The following ADAMTS3 variants were observed in gnomAD, a reference collection of about 807,000 sequenced individuals.
The protein encoded by ADAMTS3 is A disintegrin and metalloproteinase with thrombospondin motifs 3.
In ADAMTS3, 73 loss-of-function variants were observed where a neutral mutation model predicts 129.0. That is an observed-to-expected ratio of 0.57 (90% CI 0.47 to 0.69). The LOEUF is 0.69. Among genes scored for constraint, ADAMTS3 ranks in the 30% least tolerant of loss-of-function variants. The pLI, the probability that ADAMTS3 is intolerant of heterozygous loss-of-function variation, is 0.00. For synonymous variants in ADAMTS3, 477 were observed against 510.8 expected, an observed-to-expected ratio of 0.93 and a Z score of 0.89; for missense variants, 1,457 against 1,514.5, an observed-to-expected ratio of 0.96 and a Z score of 0.63.
At chr4:72,293,010 A>C (rs1373877086) in intron 19 of ADAMTS3, among the ~76,000 whole-genome samples, 2 of 152,204 alleles carry the variant, frequency 1.3e-5, no homozygotes, top group African/African-American at 2.4e-5. Flanking sequence ...ATGAAAGTAA[A>C]TGACAAAAAT....
At chr4:72,302,414 T>C (rs1031435680) in intron 17 of ADAMTS3, among the ~76,000 whole-genome samples, 1 of 151,350 alleles carries the variant, frequency 6.6e-6, no homozygotes. Flanking sequence ...CTAAGAGAAA[T>C]AGTGACTTAG....
intron 4 of ADAMTS3, among the ~76,000 whole-genome samples, chr4:72,367,989 G>C (rs140166937): frequency 2.6e-5 from 4 of 151,918 alleles, no homozygotes; most frequent in African/African-American, 9.7e-5. Context: ...ATAATTATAC[G>C]CACTGTGACA....
At chr4:72,308,617 A>G (rs553227024) in intron 15 of ADAMTS3, among the ~76,000 whole-genome samples, 4 of 152,012 alleles carry the variant, frequency 2.6e-5, no homozygotes, top group Non-Finnish European at 5.9e-5. Flanking sequence ...TCCTTATTGA[A>G]TAACTGAATA....
At chr4:72,527,672 A>G (rs1320565081) in intron 3 of ADAMTS3, among the ~76,000 whole-genome samples, 1 of 152,178 alleles carries the variant, frequency 6.6e-6, no homozygotes, top group Non-Finnish European at 1.5e-5. Flanking sequence ...TACTTGTCGA[A>G]AAGAAGTCCA....
intron 3 of ADAMTS3, among the ~76,000 whole-genome samples, chr4:72,522,859 G>T (rs1018771587): frequency 2.0e-5 from 3 of 152,078 alleles, no homozygotes; most frequent in African/African-American, 4.8e-5. Flanking sequence ...AAAAAGGAAA[G>T]AAATATCTAA....
At chr4:72,498,892 G>A (rs1578736342) in intron 3 of ADAMTS3, among the ~76,000 whole-genome samples, 1 of 152,182 alleles carries the variant, frequency 6.6e-6, no homozygotes, top group South Asian at 2.1e-4. Flanking sequence ...CCTTTGAACT[G>A]ATTACACATA....
intron 3 of ADAMTS3, among the ~76,000 whole-genome samples, chr4:72,440,269 A>G (rs965132502): frequency 5.3e-5 from 8 of 151,782 alleles, no homozygotes; most frequent in African/African-American, 1.9e-4. Flanking sequence ...CACACATCAA[A>G]GTATACTAAG....
chr4:72,500,167 GTAGTT>G (rs971278173), intron 3 of ADAMTS3, among the ~76,000 whole-genome samples: 1 of 152,030 alleles, frequency 6.6e-6, no homozygotes, highest in Non-Finnish European at 1.5e-5. Context: ...GGGTTGAATG[GTAGTT>G]TAAAGTTCTT....
At chr4:72,382,380 A>G (rs867819627) in intron 4 of ADAMTS3, among the ~76,000 whole-genome samples, 1 of 149,614 alleles carries the variant, frequency 6.7e-6, no homozygotes, top group Non-Finnish European at 1.5e-5. Context: ...CCATAACTCT[A>G]TGATATTGAG....
intron 3 of ADAMTS3, among the ~76,000 whole-genome samples, chr4:72,502,138 T>A (rs975048386): frequency 6.6e-6 from 1 of 152,156 alleles, no homozygotes; most frequent in Admixed American, 6.5e-5. Context: ...TAGAATGAGT[T>A]AGGGAGGAGT....
intron 3 of ADAMTS3, among the ~76,000 whole-genome samples, chr4:72,529,876 A>T (rs1229283281): frequency 2.7e-5 from 2 of 74,986 alleles, no homozygotes; most frequent in Non-Finnish European, 4.6e-5. Flanking sequence ...AATATAAATT[A>T]TATATAATAT....
chr4:72,508,866 T>C (rs577615139), intron 3 of ADAMTS3, among the ~76,000 whole-genome samples: 37 of 152,186 alleles, frequency 2.4e-4, no homozygotes, highest in Middle Eastern at 6.8e-3. Context: ...GGATAGACCA[T>C]ATGTTAGGTC....
Position 72,567,367 on chromosome 4 carries a change from A to C in ADAMTS3, c.97+7T>G. The C allele has an allele frequency of 6.2e-7, 1 of 1,613,546 alleles. No individual in the cohort carries two copies. On this transcript the variant is annotated splice_region_variant and intron_variant, in intron 2 of 21. Transcript: ENST00000286657. ...AGATAAGAGTGACATCTGAGAACAA[A>C]GCTTACCTATTTGCACCATTTCTTC...
chr4:72,373,072 GTTC>G (rs1355903607), intron 4 of ADAMTS3, among the ~76,000 whole-genome samples: 1 of 152,076 alleles, frequency 6.6e-6, no homozygotes, highest in Admixed American at 6.5e-5. Flanking sequence ...TGTGATAATT[GTTC>G]TTCTGTGGAA....
chr4:72,389,677 G>A (rs954800109), intron 4 of ADAMTS3, among the ~76,000 whole-genome samples: 14 of 152,024 alleles, frequency 9.2e-5, no homozygotes, highest in South Asian at 2.1e-4. Flanking sequence ...GTCCACCAGC[G>A]TATGTCACAA....
chr4:72,331,727 C>G (rs569746328), intron 5 of ADAMTS3, among the ~76,000 whole-genome samples: 1 of 152,206 alleles, frequency 6.6e-6, no homozygotes, highest in African/African-American at 2.4e-5. Flanking sequence ...TCCCCATCTT[C>G]CAAGACCTAT....
chr4:72,475,055 A>C (rs968636905), intron 3 of ADAMTS3, among the ~76,000 whole-genome samples: 2 of 151,962 alleles, frequency 1.3e-5, no homozygotes, highest in African/African-American at 4.8e-5. Flanking sequence ...GAATTCTAAA[A>C]ATGTTTGCAT....
At chr4:72,333,737 G>T (rs1719910545) in intron 5 of ADAMTS3, among the ~76,000 whole-genome samples, 1 of 151,880 alleles carries the variant, frequency 6.6e-6, no homozygotes, top group Non-Finnish European at 1.5e-5. Context: ...TAAAACGCAT[G>T]CCCTTATTAA....
intron 3 of ADAMTS3, among the ~76,000 whole-genome samples, chr4:72,528,477 C>T (rs1720872228): frequency 6.7e-6 from 1 of 149,822 alleles, no homozygotes; most frequent in African/African-American, 2.5e-5. Flanking sequence ...CACTTTTACC[C>T]CATAAATATA....
Sources: allele counts gnomAD v4.1 joint callset (sites outside exome capture counted in the v4.1 genomes callset), GRCh38; gene constraint gnomAD v4.1.1; transcripts MANE v1.5; gene names NCBI Gene and HGNC (gene_info 2026-07-23, HGNC 2026-07-21).